Variants in UVRAG observed in about 807,000 individuals in gnomAD.
The protein encoded by UVRAG is UV radiation resistance-associated gene protein.
Under a neutral mutation model 78.0 loss-of-function variants are expected in UVRAG, and 19 were observed. The ratio of observed to expected loss-of-function variants is 0.24; its 90% CI spans 0.17 to 0.36. The LOEUF (loss-of-function observed/expected upper bound fraction) is 0.36, where lower values mean the gene tolerates loss of function less well. UVRAG is among the 10% of genes least tolerant of loss of function. The pLI, the probability that UVRAG is intolerant of heterozygous loss-of-function variation, is 1.00. For missense variants in UVRAG, 740 were observed against 853.8 expected (o/e 0.87, Z 1.66); for synonymous variants, 323 against 324.6 (o/e 1.00, Z 0.05).
At chr11:76,133,267 A>T (rs1236466140) in intron 14 of UVRAG, among the ~76,000 whole-genome samples, 1 of 152,180 alleles carries the variant, frequency 6.6e-6, no homozygotes, top group Admixed American at 6.5e-5. Flanking sequence ...ACAGAAGAGG[A>T]CACCTAGGTT....
At chr11:76,090,230 G>C (rs548867065) in intron 13 of UVRAG, among the ~76,000 whole-genome samples, 5 of 152,174 alleles carry the variant, frequency 3.3e-5, no homozygotes, top group African/African-American at 1.2e-4. Flanking sequence ...TCATGTCCTC[G>C]CTTTACCTTT....
At chr11:76,119,824 C>G (rs1449981782) in intron 14 of UVRAG, among the ~76,000 whole-genome samples, 1 of 152,206 alleles carries the variant, frequency 6.6e-6, no homozygotes, top group East Asian at 1.9e-4. Context: ...TCCAAAGTAG[C>G]CAGGATGATC....
chr11:75,949,714 TACACACAC>T (rs1555093473), intron 6 of UVRAG, among the ~76,000 whole-genome samples: 1 of 136,870 alleles, frequency 7.3e-6, no homozygotes, highest in Non-Finnish European at 1.6e-5. Context: ...TATATATATA[TACACACAC>T]ACACACACAT....
intron 13 of UVRAG, among the ~76,000 whole-genome samples, chr11:76,070,013 A>G (rs749642683): frequency 1.3e-5 from 2 of 152,212 alleles, no homozygotes; most frequent in Non-Finnish European, 2.9e-5. Context: ...ATATAGCACC[A>G]TCACACAAGA....
chr11:76,080,004 A>G (rs765996189), intron 13 of UVRAG, among the ~76,000 whole-genome samples: 16 of 152,184 alleles, frequency 1.1e-4, no homozygotes, highest in Non-Finnish European at 2.1e-4. Context: ...ACCAACATCA[A>G]GCAAGCATCA....
Position 75,815,236 on chromosome 11 carries a change from G to T in UVRAG, c.-172G>T. ...GTAATATGGCTCTTCCTTAGCCAGC[G>T]GCGGCAACGGCGGCAGCGGCGGCAG... is the stretch of plus-strand genomic sequence containing the variant. On this transcript the variant is annotated 5_prime_UTR_variant, in exon 1 of 15. Coordinates refer to ENST00000356136, the MANE Select transcript of UVRAG (RefSeq NM_003369.4). 1 of 448,404 alleles carries T rather than the reference G, an allele frequency of 2.2e-6. No individual in the cohort carries two copies. The highest frequency in any genetic ancestry group is 2.1e-5 in the African/African-American group (1 of 48,760). The allele number at this position is 448,404 out of a possible 1,614,324, so 27.8% of individuals were successfully genotyped here.
intron 12 of UVRAG, among the ~76,000 whole-genome samples, chr11:76,058,534 CAAAAA>C (rs71471400): frequency 2.7e-5 from 3 of 111,348 alleles, no homozygotes; most frequent in Admixed American, 9.7e-5. Flanking sequence ...ACCCTATCTC[CAAAAA>C]AAAAAAAAAA....
At chr11:75,878,882 C>CGGGACA (rs530782453) in intron 3 of UVRAG, among the ~76,000 whole-genome samples, 19 of 72,890 alleles carry the variant, frequency 2.6e-4, no homozygotes, top group Admixed American at 7.9e-4. Flanking sequence ...CGTGGGGAGA[C>CGGGACA]GGGACAGGGA....
chr11:75,889,428 A>G (rs1290728982), intron 5 of UVRAG, among the ~76,000 whole-genome samples: 2 of 152,158 alleles, frequency 1.3e-5, no homozygotes, highest in Non-Finnish European at 1.5e-5. Flanking sequence ...GCCAAAACCA[A>G]TGTGGTTTGT....
chr11:76,066,903 C>G (rs757833484), intron 13 of UVRAG, among the ~76,000 whole-genome samples: 1 of 152,156 alleles, frequency 6.6e-6, no homozygotes, highest in Non-Finnish European at 1.5e-5. Flanking sequence ...ATCCTCAGAC[C>G]TTTTGGTTTT....
At chr11:76,136,898 T>C (rs1039515578) in intron 14 of UVRAG, among the ~76,000 whole-genome samples, 3 of 152,218 alleles carry the variant, frequency 2.0e-5, no homozygotes, top group East Asian at 3.8e-4. Flanking sequence ...AATAGACTTG[T>C]GAGTTTTTAT....
intron 2 of UVRAG, among the ~76,000 whole-genome samples, chr11:75,858,066 A>G (rs1309727385): frequency 6.6e-6 from 1 of 152,126 alleles, no homozygotes; most frequent in African/African-American, 2.4e-5. Flanking sequence ...TGTCCCCAAT[A>G]TGCAGAACTG....
chr11:75,900,093 A>T (rs1947456086), intron 5 of UVRAG, among the ~76,000 whole-genome samples: 1 of 152,182 alleles, frequency 6.6e-6, no homozygotes, highest in East Asian at 1.9e-4. Context: ...TTCTTAGCAC[A>T]ATTTTTGAGC....
intron 12 of UVRAG, among the ~76,000 whole-genome samples, chr11:76,039,720 C>A (rs1008377850): frequency 6.6e-6 from 1 of 152,064 alleles, no homozygotes; most frequent in Non-Finnish European, 1.5e-5. Flanking sequence ...ACTAAAAACA[C>A]AAAAATTAGC....
intron 1 of UVRAG, among the ~76,000 whole-genome samples, chr11:75,816,810 G>A (rs1012310372): frequency 1.5e-4 from 23 of 152,238 alleles, no homozygotes; most frequent in African/African-American, 4.8e-4. Context: ...GGGAGAGGTT[G>A]TAGGGGAGAG....
intron 4 of UVRAG, among the ~76,000 whole-genome samples, chr11:75,887,151 T>G (rs1337933427): frequency 6.6e-6 from 1 of 150,680 alleles, no homozygotes; most frequent in Non-Finnish European, 1.5e-5. Context: ...TTTTTCTTTC[T>G]TTCTTTTTTT....
chr11:76,077,942 G>A (rs1951432662), intron 13 of UVRAG, among the ~76,000 whole-genome samples: 2 of 152,068 alleles, frequency 1.3e-5, no homozygotes, highest in South Asian at 4.1e-4. Context: ...TACTTGTTCA[G>A]TAATAAGATT....
intron 12 of UVRAG, among the ~76,000 whole-genome samples, chr11:76,045,817 CAG>C (rs1950741754): frequency 6.7e-6 from 1 of 149,962 alleles, no homozygotes; most frequent in African/African-American, 2.4e-5. Context: ...AAAAAAGAAA[CAG>C]AAAAGGGAAG....
intron 8 of UVRAG, among the ~76,000 whole-genome samples, chr11:76,001,615 A>T (rs1427050493): frequency 6.6e-6 from 1 of 152,228 alleles, no homozygotes; most frequent in Non-Finnish European, 1.5e-5. Context: ...GAGAGGGGAC[A>T]TCACTACAGA....
Sources: allele counts gnomAD v4.1 joint callset (sites outside exome capture counted in the v4.1 genomes callset), GRCh38; gene constraint gnomAD v4.1.1; transcripts MANE v1.5; gene names NCBI Gene and HGNC (gene_info 2026-07-23, HGNC 2026-07-21).